The following AHCYL2 variants were observed in gnomAD, a reference collection of about 807,000 sequenced individuals.
The protein encoded by AHCYL2 is S-adenosylhomocysteine hydrolase-like protein 2.
Under a neutral mutation model 81.4 loss-of-function variants are expected in AHCYL2, and 28 were observed. That is an observed-to-expected ratio of 0.34 (90% CI 0.25 to 0.47). The LOEUF (loss-of-function observed/expected upper bound fraction) is 0.47, where lower values mean the gene tolerates loss of function less well. AHCYL2 is among the 20% of genes least tolerant of loss of function. AHCYL2 has a pLI of 1.00. For missense variants in AHCYL2, 551 were observed against 785.1 expected (o/e 0.70, Z 3.56); for synonymous variants, 272 against 290.2 (o/e 0.94, Z 0.64).
intron 1 of AHCYL2, among the ~76,000 whole-genome samples, chr7:129,240,237 C>A (rs1323075671): frequency 6.7e-6 from 1 of 149,908 alleles, no homozygotes; most frequent in Admixed American, 6.7e-5. Flanking sequence ...AAAAGAATCC[C>A]ATGGCCATCT....
intron 1 of AHCYL2, among the ~76,000 whole-genome samples, chr7:129,285,895 G>A (rs934486690): frequency 6.6e-6 from 1 of 151,888 alleles, no homozygotes. Flanking sequence ...ATTTTGTGTA[G>A]AGGCAGGGGT....
intron 1 of AHCYL2, among the ~76,000 whole-genome samples, chr7:129,268,349 T>C (rs1795888702): frequency 6.6e-6 from 1 of 151,962 alleles, no homozygotes; most frequent in Non-Finnish European, 1.5e-5. Flanking sequence ...CTTTTTTTGT[T>C]TTTGTTTTTG....
intron 1 of AHCYL2, among the ~76,000 whole-genome samples, chr7:129,244,588 G>T (rs949275021): frequency 1.3e-5 from 2 of 152,160 alleles, no homozygotes; most frequent in African/African-American, 4.8e-5. Context: ...TCACTTGGGG[G>T]AAGAGGGAAG....
chr7:129,404,118 A>AT (rs1796184099), intron 7 of AHCYL2, among the ~76,000 whole-genome samples: 1 of 151,986 alleles, frequency 6.6e-6, no homozygotes, highest in East Asian at 1.9e-4. Context: ...ATATTCATTC[A>AT]TTCATTCAAC....
At chr7:129,256,552 C>CCCCCCT (rs1554470573) in intron 1 of AHCYL2, among the ~76,000 whole-genome samples, 1 of 130,990 alleles carries the variant, frequency 7.6e-6, no homozygotes, top group Non-Finnish European at 1.6e-5. Context: ...ACCCCCCACC[C>CCCCCCT]CCCCCCCGCC....
At chr7:129,404,024 G>T (rs1378145158) in intron 7 of AHCYL2, among the ~76,000 whole-genome samples, 1 of 151,194 alleles carries the variant, frequency 6.6e-6, no homozygotes, top group Non-Finnish European at 1.5e-5. Context: ...CTAAAATAGT[G>T]AGAAGGGGGC....
At position 129,388,845 on chromosome 7, in the gene AHCYL2, C is replaced by A; in HGVS notation, c.476-211C>A. ...TGTTCTGAAGATAAAGTTAGCCCTA[C>A]ATTTCAAGTTAAGGCTATCCAGGAA... On this transcript the variant is annotated intron_variant, in intron 2 of 16. Coordinates refer to ENST00000325006, the MANE Select transcript of AHCYL2 (RefSeq NM_015328.4). 8.2e-6 allele frequency: 4 copies of A among 486,528 alleles called. No individual in the cohort carries two copies. In the South Asian group the frequency reaches 1.3e-4, roughly 16 times the overall value. The allele number at this position is 486,528 out of a possible 1,614,324, so 30.1% of individuals were successfully genotyped here.
At chr7:129,251,783 A>T (rs1305052518) in intron 1 of AHCYL2, among the ~76,000 whole-genome samples, 1 of 152,190 alleles carries the variant, frequency 6.6e-6, no homozygotes, top group Non-Finnish European at 1.5e-5. Flanking sequence ...GATAATGAGG[A>T]TATCTAAAAA....
chr7:129,333,721 A>G (rs1254351797), intron 1 of AHCYL2, among the ~76,000 whole-genome samples: 1 of 152,200 alleles, frequency 6.6e-6, no homozygotes, highest in Non-Finnish European at 1.5e-5. Flanking sequence ...CCAAAACTAA[A>G]TATTCTCCTT....
chr7:129,394,440 CTTTTTTTTTTTTT>C (rs35797517), intron 4 of AHCYL2, among the ~76,000 whole-genome samples: 1 of 45,738 alleles, frequency 2.2e-5, no homozygotes, highest in African/African-American at 8.2e-5. Flanking sequence ...TTGTATTTGA[CTTTTTTTTTTTTT>C]TTTTTTTTTT....
chr7:129,366,670 G>A (rs1206834687), intron 1 of AHCYL2, among the ~76,000 whole-genome samples: 1 of 151,996 alleles, frequency 6.6e-6, no homozygotes, highest in African/African-American at 2.4e-5. Flanking sequence ...CAGCTACTCG[G>A]GAGGCTGAGG....
rs540472002 is a variant in AHCYL2 at position 129,368,605 on chromosome 7, A to ACCAT, written c.364-11032_364-11029dup. The ACCAT allele has an allele frequency of 7.0e-5, 111 of 1,596,178 alleles. 1 individual carries two copies. The East Asian group carries it at 2.2e-3, about 31-fold the overall frequency. Reference sequence around the variant, plus strand: ...TTCTGTTTCTTGATAATGAGAGGCAACCATTTCTGACGGGTGACAAGGATC... The same window carrying ACCAT: ...TTCTGTTTCTTGATAATGAGAGGCAACCATCCATTTCTGACGGGTGACAAGGATC... On this transcript the variant is annotated intron_variant, in intron 1 of 16. Coordinates refer to ENST00000325006, the MANE Select transcript of AHCYL2 (RefSeq NM_015328.4). The surrounding 1 kb of genome is among the most constrained non-coding windows in gnomAD (Gnocchi z 4.4).
chr7:129,239,868 C>T (rs1021424541), intron 1 of AHCYL2, among the ~76,000 whole-genome samples: 1 of 151,858 alleles, frequency 6.6e-6, no homozygotes, highest in South Asian at 2.1e-4. Context: ...ACCCCTGCCC[C>T]ACCATGCCCA....
intron 1 of AHCYL2, among the ~76,000 whole-genome samples, chr7:129,325,022 T>C (rs1375316930): frequency 6.6e-6 from 1 of 152,230 alleles, no homozygotes; most frequent in East Asian, 1.9e-4. Flanking sequence ...GTTCTGCACA[T>C]AACTCCACAG....
Position 129,379,693 on chromosome 7 carries a change from G to T in AHCYL2, c.419G>T (p.Gly140Val). Reference sequence around the variant, plus strand: ...TTCAACAAACGTCCCACCAAAATTGGACGTCGCTCTTTGTCTCGTTCCATT... The same window carrying T: ...TTCAACAAACGTCCCACCAAAATTGTACGTCGCTCTTTGTCTCGTTCCATT... ...QEFNKRPTKI[G>V]RRSLSRSISQ... Residue 140 changes from glycine to valine, a missense_variant, in exon 2 of 17, where the codon GGA (glycine) becomes GTA (valine). Around this residue, in one of 2 missense-constraint regions of AHCYL2, gnomAD observed 235 missense variants for 242.1 expected, o/e 0.97. Transcript: ENST00000325006. 1.9e-6 allele frequency: 3 copies of T among 1,614,086 alleles called. No homozygotes were observed. The highest frequency in any genetic ancestry group is 2.5e-6 in the Non-Finnish European group (3 of 1,180,004).
At chr7:129,239,210 T>G (rs1378346688) in intron 1 of AHCYL2, among the ~76,000 whole-genome samples, 1 of 152,204 alleles carries the variant, frequency 6.6e-6, no homozygotes, top group Non-Finnish European at 1.5e-5. Flanking sequence ...AGAGACAGTT[T>G]ATTAAGTTTG....
In AHCYL2 at chr7:129,365,088, C is replaced by G. The variant is rs547024888; in HGVS notation, c.364-14550C>G. On this transcript the variant is annotated intron_variant, in intron 1 of 16. Coordinates refer to ENST00000325006, the MANE Select transcript of AHCYL2 (RefSeq NM_015328.4). ...GGTATTGTAGGCAAATCAAAGTAGG[C>G]TAAGCCCCTGAAGAGCCTGGAGACT... 1.1e-4 allele frequency among the ~76,000 whole-genome samples: 17 copies of G among 152,226 alleles called. No individual in the cohort carries two copies. In the South Asian group the frequency reaches 2.1e-3, roughly 19 times the overall value.
intron 1 of AHCYL2, among the ~76,000 whole-genome samples, chr7:129,237,039 A>G (rs941273111): frequency 2.6e-5 from 4 of 151,874 alleles, no homozygotes; most frequent in African/African-American, 9.7e-5. Context: ...ATTTGTGTAT[A>G]TGTTGCAAAT....
At chr7:129,327,910 C>T (rs1399828662) in intron 1 of AHCYL2, among the ~76,000 whole-genome samples, 1 of 152,180 alleles carries the variant, frequency 6.6e-6, no homozygotes, top group Non-Finnish European at 1.5e-5. Context: ...CCTCCTGACT[C>T]AGCCTCCCCA....
Sources: allele counts gnomAD v4.1 joint callset (sites outside exome capture counted in the v4.1 genomes callset), GRCh38; gene constraint gnomAD v4.1.1; regional missense constraint gnomAD v4.1.1; non-coding constraint Gnocchi (gnomAD v3.1); transcripts MANE v1.5; gene names NCBI Gene and HGNC (gene_info 2026-07-23, HGNC 2026-07-21).